PRLR: variants seen among roughly 807,000 people sequenced by gnomAD.
PRLR encodes the protein prolactin receptor, also known as hPRL receptor.
Under a neutral mutation model 40.2 loss-of-function variants are expected in PRLR, and 13 were observed. That is an observed-to-expected ratio of 0.32 (90% CI 0.21 to 0.51). The LOEUF (loss-of-function observed/expected upper bound fraction) is 0.51. PRLR is among the 20% of genes least tolerant of loss of function. The pLI is 0.97. For missense variants in PRLR, 656 were observed against 747.3 expected, an observed-to-expected ratio of 0.88 and a Z score of 1.42; for synonymous variants, 269 against 278.7, an observed-to-expected ratio of 0.97 and a Z score of 0.35.
intron 1 of PRLR, chr5:35,195,279 C>A (rs992134900): frequency 1.3e-5 from 2 of 152,320 alleles, no homozygotes; most frequent in African/African-American, 4.8e-5. Flanking sequence ...GTTATTGAGC[C>A]GCCCTCCTGA....
intron 5 of PRLR, 143 bp downstream of exon 5, chr5:35,084,327 G>T: frequency 1.2e-6 from 1 of 808,206 alleles, no homozygotes; most frequent in Admixed American, 3.0e-5. Context: ...GATTTGAACT[G>T]TTCTGTTGAC....
chr5:35,135,640 T>G (rs527762940), intron 1 of PRLR, among the ~76,000 whole-genome samples: 4 of 152,228 alleles, frequency 2.6e-5, no homozygotes, highest in Non-Finnish European at 5.9e-5. Flanking sequence ...AGTTTCAGAT[T>G]GACTCCAGTA....
At chr5:35,185,930 G>A (rs1479202381) in intron 1 of PRLR, among the ~76,000 whole-genome samples, 2 of 152,156 alleles carry the variant, frequency 1.3e-5, no homozygotes, top group African/African-American at 4.8e-5. Flanking sequence ...CTGATTCGTC[G>A]AATGTCGGGG....
At chr5:35,143,757 T>C (rs996755238) in intron 1 of PRLR, among the ~76,000 whole-genome samples, 11 of 152,158 alleles carry the variant, frequency 7.2e-5, no homozygotes, top group African/African-American at 2.7e-4. Context: ...ATAAATTAAG[T>C]CCTACTCTCA....
chr5:35,098,636 G>T (rs976866958), intron 2 of PRLR, among the ~76,000 whole-genome samples: 1 of 152,142 alleles, frequency 6.6e-6, no homozygotes, highest in South Asian at 2.1e-4. Flanking sequence ...TGCCATAAAA[G>T]TCACTACTGT....
chr5:35,203,013 CA>C (rs1168996786), intron 1 of PRLR, among the ~76,000 whole-genome samples: 2 of 152,118 alleles, frequency 1.3e-5, no homozygotes, highest in African/African-American at 2.4e-5. Context: ...TGTTCTTAGA[CA>C]GGTTGTAAAT....
chr5:35,117,784 A>G (rs2111709684), intron 2 of PRLR, among the ~76,000 whole-genome samples: 2 of 152,352 alleles, frequency 1.3e-5, no homozygotes, highest in East Asian at 3.9e-4. Context: ...GAAAATAAAA[A>G]TCTCTCATGA....
intron 1 of PRLR, among the ~76,000 whole-genome samples, chr5:35,172,576 C>T (rs1775033636): frequency 6.6e-6 from 1 of 152,206 alleles, no homozygotes; most frequent in African/African-American, 2.4e-5. Flanking sequence ...AGCCCTGACA[C>T]TCAATTCTCC....
chr5:35,068,764 G>A lies in PRLR; in HGVS notation c.785+15C>T. On this transcript the variant is annotated intron_variant, in intron 8 of 9. Transcript: ENST00000618457. ...TATCATGATTGGGAGGAAAAGTTGA[G>A]AGACAGTGAAGTACCTATAGCCCTT... 1 of 1,551,526 alleles carries A rather than the reference G, an allele frequency of 6.4e-7. No homozygotes were observed. Among genetic ancestry groups the A allele is most frequent in the Non-Finnish European group, 8.9e-7 (1 of 1,126,602 alleles).
intron 1 of PRLR, among the ~76,000 whole-genome samples, chr5:35,178,684 T>C (rs1389172777): frequency 6.6e-6 from 1 of 152,218 alleles, no homozygotes; most frequent in Non-Finnish European, 1.5e-5. Flanking sequence ...GATTTCTGTC[T>C]GTGAATAAAT....
At chr5:35,127,773 A>T (rs930476814) in intron 1 of PRLR, among the ~76,000 whole-genome samples, 7 of 152,214 alleles carry the variant, frequency 4.6e-5, no homozygotes, top group African/African-American at 1.7e-4. Flanking sequence ...AGATAGCATG[A>T]TTCCATTTAC....
chr5:35,141,618 G>A (rs184277174), intron 1 of PRLR, among the ~76,000 whole-genome samples: 90 of 152,288 alleles, frequency 5.9e-4, no homozygotes, highest in Middle Eastern at 3.4e-3. Context: ...GAACAGACAG[G>A]TATCAACTTC....
chr5:35,180,481 A>G lies in PRLR; in HGVS notation c.-106+49787T>C, dbSNP rs566894780. On this transcript the variant is annotated intron_variant, in intron 1 of 9. Coordinates refer to ENST00000618457, the MANE Select transcript of PRLR (RefSeq NM_000949.7). ...CCCCTTTGCCTTCTGCCATGATTGTAAGTTTCCCGAGGCCTCCACAGAAGC... is the reference window on the plus strand; with the variant it reads ...CCCCTTTGCCTTCTGCCATGATTGTGAGTTTCCCGAGGCCTCCACAGAAGC... 1.9e-4 allele frequency among the ~76,000 whole-genome samples: 29 copies of G among 152,202 alleles called. No individual in the cohort carries two copies. In the East Asian group the frequency reaches 5.4e-3, roughly 28 times the overall value.
At chr5:35,086,942 T>G (rs2112465137) in intron 3 of PRLR, among the ~76,000 whole-genome samples, 1 of 152,220 alleles carries the variant, frequency 6.6e-6, no homozygotes, top group Middle Eastern at 3.4e-3. Context: ...TATCTGGGCA[T>G]CCTTTCCTTC....
intron 1 of PRLR, among the ~76,000 whole-genome samples, chr5:35,166,407 T>C (rs1774828494): frequency 6.6e-6 from 1 of 152,166 alleles, no homozygotes; most frequent in African/African-American, 2.4e-5. Context: ...AAGACACTCT[T>C]GGGGAAAAGA....
At chr5:35,071,271 A>G (rs1383821496) in intron 6 of PRLR, among the ~76,000 whole-genome samples, 1 of 152,138 alleles carries the variant, frequency 6.6e-6, no homozygotes, top group Non-Finnish European at 1.5e-5. Context: ...GGGATACTCT[A>G]TGGGACAAGT....
chr5:35,100,036 G>A (rs1771775348), intron 2 of PRLR, among the ~76,000 whole-genome samples: 1 of 151,784 alleles, frequency 6.6e-6, no homozygotes. Flanking sequence ...AAATTAGCTG[G>A]GCCTGGTGGC....
At chr5:35,151,763 A>C (rs1774348887) in intron 1 of PRLR, among the ~76,000 whole-genome samples, 1 of 152,238 alleles carries the variant, frequency 6.6e-6, no homozygotes, top group Non-Finnish European at 1.5e-5. Context: ...CATATGAATA[A>C]GGAAGCCTCC....
intron 1 of PRLR, among the ~76,000 whole-genome samples, chr5:35,158,241 T>C (rs1486355235): frequency 6.6e-6 from 1 of 152,192 alleles, no homozygotes; most frequent in Non-Finnish European, 1.5e-5. Flanking sequence ...GCTGTTTATA[T>C]GTTGTCTTCC....
Sources: allele counts gnomAD v4.1 joint callset (sites outside exome capture counted in the v4.1 genomes callset), GRCh38; gene constraint gnomAD v4.1.1; transcripts MANE v1.5; gene names NCBI Gene and HGNC (gene_info 2026-07-23, HGNC 2026-07-21).